The following TRPM3 variants were observed in gnomAD, a reference collection of about 807,000 sequenced individuals.
TRPM3 encodes the protein long transient receptor potential channel 3.
Under a neutral mutation model 181.2 loss-of-function variants are expected in TRPM3, and 77 were observed. That is an observed-to-expected ratio of 0.42 (90% CI 0.35 to 0.51). TRPM3 has a LOEUF of 0.51. TRPM3 is among the 20% of genes least tolerant of loss of function. The pLI is 0.01. For missense variants in TRPM3, 1,759 were observed against 2,196.7 expected (o/e 0.80, Z 3.98); for synonymous variants, 745 against 796.4 (o/e 0.94, Z 1.09).
intron 17 of TRPM3, among the ~76,000 whole-genome samples, chr9:70,617,102 C>T (rs527704183): frequency 2.0e-4 from 31 of 152,262 alleles, no homozygotes; most frequent in African/African-American, 5.5e-4. Context: ...CCCACAGGGA[C>T]GCCAAAGTAG....
rs556168469 is a variant in TRPM3, at chr9:71,415,315, T to C, written c.183+31338A>G. Among the ~76,000 whole-genome samples the C allele has an allele frequency of 2.0e-5, 3 of 152,208 alleles. No homozygotes were observed. In the East Asian group the frequency reaches 5.8e-4, roughly 29 times the overall value. ...GTAACTGTGGGAGAATAAACTTCTG[T>C]TGTCTTAAGCTACTCAGTTTGTGGT... is the stretch of plus-strand genomic sequence containing the variant. On this transcript the variant is annotated intron_variant, in intron 1 of 24. Coordinates refer to the TRPM3 transcript ENST00000357533.
At chr9:71,030,062 G>T (rs1264402537) in intron 1 of TRPM3, among the ~76,000 whole-genome samples, 1 of 152,116 alleles carries the variant, frequency 6.6e-6, no homozygotes, top group Non-Finnish European at 1.5e-5. Flanking sequence ...TAAAGTATAA[G>T]ATCTCTAAGT....
intron 6 of TRPM3, chr9:70,825,680 C>T (rs2093509794): frequency 6.6e-6 from 1 of 152,290 alleles, no homozygotes; most frequent in Non-Finnish European, 1.5e-5. Flanking sequence ...GGCCTCTGCT[C>T]CTCAGGGAGG....
intron 1 of TRPM3, among the ~76,000 whole-genome samples, chr9:71,389,333 C>T (rs955874466): frequency 4.0e-5 from 6 of 151,470 alleles, no homozygotes; most frequent in African/African-American, 1.5e-4. Context: ...AATCAAAAAA[C>T]AGATGTTCGT....
At chr9:70,939,051 G>C (rs193240537) in intron 1 of TRPM3, among the ~76,000 whole-genome samples, 122 of 152,202 alleles carry the variant, frequency 8.0e-4, no homozygotes, top group Non-Finnish European at 1.6e-3. Context: ...CTGTGCAAGG[G>C]ATACCTTGCT....
chr9:71,003,856 T>G (rs1262025692), intron 1 of TRPM3, among the ~76,000 whole-genome samples: 1 of 151,892 alleles, frequency 6.6e-6, no homozygotes, highest in Non-Finnish European at 1.5e-5. Context: ...CGCCCTGGGC[T>G]CACGAAACTG....
chr9:70,696,730 A>G (rs1373816032), intron 8 of TRPM3, among the ~76,000 whole-genome samples: 1 of 152,222 alleles, frequency 6.6e-6, no homozygotes, highest in Non-Finnish European at 1.5e-5. Context: ...GCATTTGTAA[A>G]CAGATACGAG....
At chr9:71,109,052 A>AGAAGGAAT (rs60955631) in intron 1 of TRPM3, among the ~76,000 whole-genome samples, 37,646 of 151,830 alleles carry the variant, frequency 0.25, 5,306 homozygotes, top group African/African-American at 0.39. Context: ...CCTCCGAGCA[A>AGAAGGAAT]GAAGGAATGC....
intron 1 of TRPM3, among the ~76,000 whole-genome samples, chr9:71,275,703 G>A (rs933123346): frequency 6.6e-6 from 1 of 152,176 alleles, no homozygotes; most frequent in African/African-American, 2.4e-5. Flanking sequence ...ATAGGTATTG[G>A]AGTAGTGATT....
intron 1 of TRPM3, among the ~76,000 whole-genome samples, chr9:70,904,067 C>T (rs1195094421): frequency 6.6e-6 from 1 of 151,942 alleles, no homozygotes; most frequent in Non-Finnish European, 1.5e-5. Flanking sequence ...ACAAGAAACA[C>T]AAGAATTAGC....
chr9:71,047,560 G>A (rs979709723), intron 1 of TRPM3, among the ~76,000 whole-genome samples: 5 of 152,152 alleles, frequency 3.3e-5, no homozygotes, highest in African/African-American at 1.2e-4. Context: ...TATGGCTGAA[G>A]CAAGCCTGTG....
chr9:71,198,995 T>C (rs1158429663), intron 1 of TRPM3, among the ~76,000 whole-genome samples: 2 of 136,654 alleles, frequency 1.5e-5, no homozygotes, highest in African/African-American at 2.6e-5. Context: ...TTCAGTATGA[T>C]ATTGGCTGTG....
intron 1 of TRPM3, among the ~76,000 whole-genome samples, chr9:71,212,792 T>G (rs1219262993): frequency 1.3e-5 from 2 of 152,194 alleles, no homozygotes; most frequent in African/African-American, 2.4e-5. Flanking sequence ...TAAAATGACT[T>G]GAATTTTTCC....
intron 1 of TRPM3, among the ~76,000 whole-genome samples, chr9:70,871,060 G>T (rs531615219): frequency 1.3e-5 from 2 of 151,974 alleles, no homozygotes; most frequent in South Asian, 2.1e-4. Context: ...GGATCAGTGG[G>T]GAAGATTTGG....
chr9:70,835,146 G>A (rs2094223411), intron 5 of TRPM3, among the ~76,000 whole-genome samples: 1 of 152,094 alleles, frequency 6.6e-6, no homozygotes, highest in African/African-American at 2.4e-5. Flanking sequence ...ATAAGTGGAA[G>A]CTTCCTGAGG....
intron 1 of TRPM3, among the ~76,000 whole-genome samples, chr9:71,298,811 C>T (rs547457712): frequency 6.6e-6 from 1 of 152,206 alleles, no homozygotes; most frequent in African/African-American, 2.4e-5. Flanking sequence ...CAGAATAAAT[C>T]TCAGTATTTT....
At chr9:71,070,145 T>C (rs1181342656) in intron 1 of TRPM3, among the ~76,000 whole-genome samples, 1 of 152,210 alleles carries the variant, frequency 6.6e-6, no homozygotes, top group African/African-American at 2.4e-5. Flanking sequence ...CTGGTCAAAG[T>C]GTCATTATCA....
chr9:70,884,106 T>C (rs1419582375), intron 1 of TRPM3, among the ~76,000 whole-genome samples: 1 of 152,174 alleles, frequency 6.6e-6, no homozygotes, highest in Non-Finnish European at 1.5e-5. Context: ...TTGTTTTCTA[T>C]TTGCCATCCA....
At chr9:70,893,443 G>T (rs532588998) in intron 1 of TRPM3, among the ~76,000 whole-genome samples, 2 of 152,186 alleles carry the variant, frequency 1.3e-5, no homozygotes, top group African/African-American at 4.8e-5. Context: ...CTTTATAAAT[G>T]ATAAAACACT....
Sources: allele counts gnomAD v4.1 joint callset (sites outside exome capture counted in the v4.1 genomes callset), GRCh38; gene constraint gnomAD v4.1.1; transcripts MANE v1.5; gene names NCBI Gene and HGNC (gene_info 2026-07-23, HGNC 2026-07-21).